The following ZRANB3 variants were observed in gnomAD, a reference collection of about 807,000 sequenced individuals.
ZRANB3 encodes DNA annealing helicase and endonuclease ZRANB3.
Under a neutral mutation model 133.8 loss-of-function variants are expected in ZRANB3, and 125 were observed. The observed-to-expected ratio is 0.93, with a 90% CI of 0.81 to 1.08. The LOEUF is 1.08. Among genes scored for constraint, ZRANB3 ranks in the 50% least tolerant of loss-of-function variants. The pLI is 0.00. For synonymous variants in ZRANB3, 387 were observed against 432.7 expected, an observed-to-expected ratio of 0.89 and a Z score of 1.31; for missense variants, 1,229 against 1,275.5, an observed-to-expected ratio of 0.96 and a Z score of 0.56.
chr2:135,496,644 A>T (rs1692686504), intron 2 of ZRANB3, among the ~76,000 whole-genome samples: 1 of 152,174 alleles, frequency 6.6e-6, no homozygotes, highest in Non-Finnish European at 1.5e-5. Flanking sequence ...AAGCAGGCAG[A>T]GCTGAACTCG....
At chr2:135,472,328 G>A (rs1691304288) in intron 2 of ZRANB3, among the ~76,000 whole-genome samples, 1 of 151,958 alleles carries the variant, frequency 6.6e-6, no homozygotes, top group South Asian at 2.1e-4. Context: ...GTGAAACCCT[G>A]TCTCTACTAA....
intron 2 of ZRANB3, among the ~76,000 whole-genome samples, chr2:135,395,042 T>C (rs775328966): frequency 7.0e-6 from 1 of 143,344 alleles, no homozygotes; most frequent in Non-Finnish European, 1.5e-5. Context: ...AGACCCAGAA[T>C]AGTCAAAGCC....
chr2:135,471,466 C>T (rs1368286193), intron 2 of ZRANB3, among the ~76,000 whole-genome samples: 1 of 152,172 alleles, frequency 6.6e-6, no homozygotes, highest in Non-Finnish European at 1.5e-5. Context: ...AGCTCCTTGG[C>T]TTCCAAAGAA....
chr2:135,276,092 A>G (rs1376513481), intron 8 of ZRANB3, among the ~76,000 whole-genome samples: 5 of 152,156 alleles, frequency 3.3e-5, no homozygotes, highest in African/African-American at 1.2e-4. Context: ...GTGATTTTCA[A>G]AAAAGTTTAT....
intron 8 of ZRANB3, among the ~76,000 whole-genome samples, chr2:135,303,790 CTGT>C (rs1354370658): frequency 6.6e-6 from 1 of 152,132 alleles, no homozygotes; most frequent in Non-Finnish European, 1.5e-5. Context: ...CATAATCTAT[CTGT>C]TGTTTATTTA....
chr2:135,211,800 C>A (rs376642242), intron 17 of ZRANB3, among the ~76,000 whole-genome samples: 5 of 152,086 alleles, frequency 3.3e-5, no homozygotes, highest in South Asian at 4.1e-4. Context: ...TGTTTTCATT[C>A]TTTGCTATCA....
At chr2:135,218,713 T>G (rs987331497) in intron 16 of ZRANB3, among the ~76,000 whole-genome samples, 4 of 152,194 alleles carry the variant, frequency 2.6e-5, no homozygotes, top group African/African-American at 9.7e-5. Context: ...TAAGGTATTA[T>G]CTCTGCTCTG....
At chr2:135,273,382 G>A (rs574117865) in intron 9 of ZRANB3, among the ~76,000 whole-genome samples, 3 of 152,136 alleles carry the variant, frequency 2.0e-5, no homozygotes, top group South Asian at 4.2e-4. Flanking sequence ...CCGTATTAAC[G>A]TTCTGTCCTC....
intron 2 of ZRANB3, among the ~76,000 whole-genome samples, chr2:135,416,279 T>C (rs1170657664): frequency 6.6e-6 from 1 of 152,108 alleles, no homozygotes; most frequent in East Asian, 1.9e-4. Flanking sequence ...ACAAAATCAA[T>C]GTGCAAAAAT....
rs1221225320 is a variant in ZRANB3 at position 135,430,532 on chromosome 2, G to A, written c.162-39712C>T. ...TGTATAAACATTTGTTCAAATAGAT[G>A]AATTGTCAGATAAAATAGGAAGTAA... On this transcript the variant is annotated intron_variant, in intron 2 of 20. Transcript: ENST00000264159. 3.9e-5 allele frequency among the ~76,000 whole-genome samples: 6 copies of A among 152,056 alleles called. No homozygotes were observed. The South Asian group carries it at 1.2e-3, about 32-fold the overall frequency.
chr2:135,487,136 A>C (rs993268460), intron 2 of ZRANB3, among the ~76,000 whole-genome samples: 1 of 152,212 alleles, frequency 6.6e-6, no homozygotes, highest in African/African-American at 2.4e-5. Context: ...TTGTATATCT[A>C]CAATAGAGCT....
intron 8 of ZRANB3, among the ~76,000 whole-genome samples, chr2:135,296,251 A>T (rs973440837): frequency 6.6e-6 from 1 of 152,122 alleles, no homozygotes; most frequent in Non-Finnish European, 1.5e-5. Context: ...ACATAGTCCC[A>T]TATTTGTTGG....
chr2:135,230,986 A>T (rs1694988577), intron 12 of ZRANB3, 59 bp from the exon 13 acceptor site: 2 of 1,444,002 alleles, frequency 1.4e-6, no homozygotes, highest in East Asian at 4.7e-5. Flanking sequence ...TTCTTCTTAC[A>T]TAAAAGAGCT....
chr2:135,499,989 A>G (rs956813698), intron 2 of ZRANB3, among the ~76,000 whole-genome samples: 3 of 152,216 alleles, frequency 2.0e-5, no homozygotes, highest in Non-Finnish European at 4.4e-5. Context: ...ACCCAGAGAC[A>G]TAAACAGAGG....
At chr2:135,348,932 T>C (rs900995552) in intron 5 of ZRANB3, among the ~76,000 whole-genome samples, 3 of 152,156 alleles carry the variant, frequency 2.0e-5, no homozygotes, top group African/African-American at 4.8e-5. Flanking sequence ...TCTTGAAGGA[T>C]ACGTTTCATG....
At chr2:135,479,044 C>G (rs1326565383) in intron 2 of ZRANB3, among the ~76,000 whole-genome samples, 1 of 151,728 alleles carries the variant, frequency 6.6e-6, no homozygotes, top group African/African-American at 2.4e-5. Context: ...GTAGTTGTGC[C>G]AATTTCCCCT....
chr2:135,369,997 C>A (rs961358151), intron 3 of ZRANB3, among the ~76,000 whole-genome samples: 3 of 151,470 alleles, frequency 2.0e-5, no homozygotes, highest in Admixed American at 2.0e-4. Flanking sequence ...TATACACCCC[C>A]ACTCATCCTT....
intron 2 of ZRANB3, among the ~76,000 whole-genome samples, chr2:135,496,490 A>G (rs901422839): frequency 1.3e-5 from 2 of 152,014 alleles, no homozygotes; most frequent in African/African-American, 4.8e-5. Context: ...AAACCATCAC[A>G]TAAAACAATA....
chr2:135,521,674 A>G (rs944150801), intron 1 of ZRANB3, among the ~76,000 whole-genome samples: 6 of 152,360 alleles, frequency 3.9e-5, no homozygotes, highest in African/African-American at 9.6e-5. Context: ...ACACAATGCG[A>G]TAAGTGCTAT....
Sources: allele counts gnomAD v4.1 joint callset (sites outside exome capture counted in the v4.1 genomes callset), GRCh38; gene constraint gnomAD v4.1.1; transcripts MANE v1.5; gene names NCBI Gene and HGNC (gene_info 2026-07-23, HGNC 2026-07-21).